The following LRMDA variants were observed in gnomAD, a reference collection of about 807,000 sequenced individuals.
LRMDA encodes the protein leucine rich melanocyte differentiation associated, also known as leucine-rich melanocyte differentiation-associated protein.
LRMDA carries 18 observed loss-of-function variants against 29.8 expected under a neutral mutation model. The ratio of observed to expected loss-of-function variants is 0.60; its 90% confidence interval spans 0.42 to 0.90. The LOEUF (loss-of-function observed/expected upper bound fraction) is 0.90. LRMDA is among the 40% of genes least tolerant of loss of function. The pLI is 0.00. For missense variants in LRMDA, 273 were observed against 273.9 expected, an observed-to-expected ratio of 1.00 and a Z score of 0.02; for synonymous variants, 125 against 109.4, an observed-to-expected ratio of 1.14 and a Z score of -0.89.
intron 2 of LRMDA, among the ~76,000 whole-genome samples, chr10:75,454,084 A>C (rs4746299): frequency 0.79 from 119,915 of 151,994 alleles, 47,699 homozygotes; most frequent in Middle Eastern, 0.86. Context: ...CCCAGCAAGG[A>C]CTGCCTGCCT....
chr10:75,906,886 C>T lies in LRMDA; in HGVS notation c.132-129122C>T, dbSNP rs551036919. 5.9e-5 allele frequency among the ~76,000 whole-genome samples: 9 copies of T among 152,264 alleles called. No individual in the cohort carries two copies. In the East Asian group the frequency reaches 1.7e-3, roughly 29 times the overall value. ...GTGGACTTGGGGGTGCAAGGTTGAA[C>T]AGGTAATTGAGACACCGGGGCTAGG... is the stretch of plus-strand genomic sequence containing the variant. On this transcript the variant is annotated intron_variant, in intron 2 of 6. Transcript: ENST00000611255.
At chr10:75,774,622 ATG>A (rs1251259689) in intron 2 of LRMDA, among the ~76,000 whole-genome samples, 1 of 152,180 alleles carries the variant, frequency 6.6e-6, no homozygotes, top group Non-Finnish European at 1.5e-5. Flanking sequence ...TATTACCATA[ATG>A]TAACCATGCT....
At chr10:76,321,828 C>T (rs1840775062) in intron 5 of LRMDA, among the ~76,000 whole-genome samples, 1 of 152,038 alleles carries the variant, frequency 6.6e-6, no homozygotes, top group South Asian at 2.1e-4. Context: ...GCCTGTAATC[C>T]CAGCTACTCG....
chr10:76,451,643 T>TC (rs1436109564), intron 6 of LRMDA, among the ~76,000 whole-genome samples: 1 of 129,408 alleles, frequency 7.7e-6, no homozygotes, highest in Admixed American at 7.6e-5. Context: ...TCTCCAATGC[T>TC]TTTTTTTTTT....
intron 2 of LRMDA, among the ~76,000 whole-genome samples, chr10:75,650,528 A>G (rs546635329): frequency 6.6e-6 from 1 of 152,242 alleles, no homozygotes; most frequent in East Asian, 1.9e-4. Context: ...CAGAATTTAA[A>G]CATTTAGACC....
intron 6 of LRMDA, among the ~76,000 whole-genome samples, chr10:76,454,007 TTAG>T (rs1184363388): frequency 1.3e-5 from 2 of 152,338 alleles, no homozygotes; most frequent in East Asian, 1.9e-4. Flanking sequence ...ACATAGGCAA[TTAG>T]TAGCAGAGTC....
intron 6 of LRMDA, among the ~76,000 whole-genome samples, chr10:76,356,957 T>A (rs1221116789): frequency 6.6e-6 from 1 of 152,118 alleles, no homozygotes; most frequent in Non-Finnish European, 1.5e-5. Flanking sequence ...TGGGCAATGT[T>A]GGTAACAAAG....
chr10:75,639,894 C>G (rs998366926), intron 2 of LRMDA, among the ~76,000 whole-genome samples: 3 of 152,154 alleles, frequency 2.0e-5, no homozygotes, highest in Non-Finnish European at 4.4e-5. Flanking sequence ...TTGAGGAGCA[C>G]GGCACTGCAT....
chr10:76,417,906 C>A (rs1907347), intron 6 of LRMDA, among the ~76,000 whole-genome samples: 14,830 of 152,070 alleles, frequency 0.098, 902 homozygotes, highest in Admixed American at 0.17. Flanking sequence ...ATAAGGATAT[C>A]TGAAAAGACC....
intron 2 of LRMDA, among the ~76,000 whole-genome samples, chr10:75,766,169 C>A (rs923430350): frequency 5.9e-5 from 9 of 152,140 alleles, no homozygotes; most frequent in African/African-American, 1.2e-4. Context: ...GAAATATCAC[C>A]AACTTACTTT....
intron 2 of LRMDA, among the ~76,000 whole-genome samples, chr10:75,482,191 A>C (rs1368871111): frequency 6.6e-6 from 1 of 152,118 alleles, no homozygotes; most frequent in Non-Finnish European, 1.5e-5. Flanking sequence ...GCATAGGTGG[A>C]GGGAAGAGCA....
At chr10:76,418,503 A>C (rs1434842074) in intron 6 of LRMDA, among the ~76,000 whole-genome samples, 1 of 152,022 alleles carries the variant, frequency 6.6e-6, no homozygotes, top group African/African-American at 2.4e-5. Flanking sequence ...TGAAGCCAGA[A>C]ACCTTGCTAA....
chr10:76,204,994 A>G (rs1395137951), intron 5 of LRMDA, among the ~76,000 whole-genome samples: 2 of 152,186 alleles, frequency 1.3e-5, no homozygotes, highest in African/African-American at 4.8e-5. Context: ...GATATATTTG[A>G]CAAATGAGGG....
At chr10:76,071,066 C>A (rs1484986645) in intron 5 of LRMDA, among the ~76,000 whole-genome samples, 1 of 152,160 alleles carries the variant, frequency 6.6e-6, no homozygotes, top group African/African-American at 2.4e-5. Flanking sequence ...CCCTTAAGCT[C>A]TTTCATTTGA....
intron 2 of LRMDA, among the ~76,000 whole-genome samples, chr10:75,932,965 TAGTC>T (rs1846230218): frequency 6.6e-6 from 1 of 152,188 alleles, no homozygotes; most frequent in Admixed American, 6.5e-5. Flanking sequence ...ACCAAAGCCT[TAGTC>T]AAGAATCAGT....
At chr10:75,878,858 T>C (rs1845245185) in intron 2 of LRMDA, among the ~76,000 whole-genome samples, 1 of 152,128 alleles carries the variant, frequency 6.6e-6, no homozygotes, top group African/African-American at 2.4e-5. Context: ...CTGGAGACTG[T>C]CATCTCTGTC....
At chr10:75,589,753 C>G (rs1840698280) in intron 2 of LRMDA, among the ~76,000 whole-genome samples, 2 of 131,180 alleles carry the variant, frequency 1.5e-5, no homozygotes, top group Admixed American at 1.7e-4. Flanking sequence ...GATAGAGACC[C>G]TGTCTAAAAA....
At chr10:75,891,115 A>AG (rs983485704) in intron 2 of LRMDA, among the ~76,000 whole-genome samples, 1 of 151,288 alleles carries the variant, frequency 6.6e-6, no homozygotes, top group Non-Finnish European at 1.5e-5. Flanking sequence ...ACAAAAAAAA[A>AG]AAAGAAAGAA....
At chr10:75,814,693 G>C (rs1844027384) in intron 2 of LRMDA, among the ~76,000 whole-genome samples, 1 of 152,090 alleles carries the variant, frequency 6.6e-6, no homozygotes, top group Non-Finnish European at 1.5e-5. Flanking sequence ...TCCCCTCTTG[G>C]TATCAAGCCC....
Sources: gnomAD v4.1 joint callset for allele counts (sites outside exome capture counted in the v4.1 genomes callset) on GRCh38, gnomAD v4.1.1 for gene constraint, MANE v1.5 for transcripts, NCBI Gene and HGNC (gene_info 2026-07-23, HGNC 2026-07-21) for gene names.